The following IQGAP1 variants were observed in gnomAD, a reference collection of about 807,000 sequenced individuals.
IQGAP1 encodes the protein ras GTPase-activating-like protein IQGAP1.
In IQGAP1, 66 loss-of-function variants were observed where a neutral mutation model predicts 215.6. The ratio of observed to expected loss-of-function variants is 0.31; its 90% CI spans 0.25 to 0.38. The LOEUF (loss-of-function observed/expected upper bound fraction) is 0.38. IQGAP1 is among the 10% of genes least tolerant of loss of function. The pLI, the probability that IQGAP1 is intolerant of heterozygous loss-of-function variation, is 1.00. For synonymous variants in IQGAP1, 772 were observed against 728.7 expected (o/e 1.06, Z -0.96); for missense variants, 1,712 against 1,997.1 (o/e 0.86, Z 2.72).
chr15:90,439,427 T>G, intron 6 of IQGAP1, 28 bp downstream of exon 6: 2 of 1,580,358 alleles, frequency 1.3e-6, no homozygotes, highest in Non-Finnish European at 1.7e-6. Context: ...TGGCAGGAAA[T>G]GCTTGAATTA....
chr15:90,496,275 T>C (rs1442036168), intron 36 of IQGAP1, among the ~76,000 whole-genome samples: 3 of 150,388 alleles, frequency 2.0e-5, no homozygotes, highest in Non-Finnish European at 3.0e-5. Context: ...TGGGGTGCTA[T>C]ACTTTGATCA....
Position 90,423,372 on chromosome 15 carries a change from T to C in IQGAP1, c.156-2738T>C, listed in dbSNP as rs118163096. Among the ~76,000 whole-genome samples the C allele has an allele frequency of 8.6e-3, 1,303 of 152,242 alleles. 38 individuals are homozygous for C. In the East Asian group the frequency reaches 0.11, roughly 13 times the overall value. On this transcript the variant is annotated intron_variant, in intron 2 of 37. Coordinates refer to ENST00000268182, the MANE Select transcript of IQGAP1 (RefSeq NM_003870.4). ...TCTTAGCCTCCCAAGTATCTGAGAC[T>C]ATAGGTGCACACCACCACACTGGCA...
At chr15:90,499,912 T>C in intron 37 of IQGAP1, 83 bp from the exon 38 acceptor site, 1 of 904,320 alleles carries the variant, frequency 1.1e-6, no homozygotes, top group Non-Finnish European at 1.8e-6. Context: ...GATCCCTCCC[T>C]ACATTGTGTC....
intron 3 of IQGAP1, among the ~76,000 whole-genome samples, chr15:90,427,339 A>G (rs2525999): frequency 0.16 from 24,245 of 152,220 alleles, 2,681 homozygotes; most frequent in East Asian, 0.46. Context: ...GCTGGAGTTC[A>G]AGGTACAATG....
At position 90,443,478 on chromosome 15, in the gene IQGAP1, A is replaced by G; in HGVS notation, c.913A>G (p.Thr305Ala). Residue 305 changes from threonine to alanine, a missense_variant and splice_region_variant, in exon 9 of 38, where the codon ACA becomes GCA. Thr to Ala is a moderately conservative substitution (Grantham distance 58, BLOSUM62 0). Coordinates refer to ENST00000268182, the MANE Select transcript of IQGAP1 (RefSeq NM_003870.4). ...EIQGNINKVN[T>A]FSALANIDLA... ...TCAAGGCAATATAAACAAAGTCAAT[A>G]GTAAGTATGTTCCTGAATCAGGCAC... is the stretch of plus-strand genomic sequence containing the variant. 6.3e-7 allele frequency: 1 copy of G among 1,579,816 alleles called. No homozygotes were observed. The highest frequency in any genetic ancestry group is 8.7e-7 in the Non-Finnish European group (1 of 1,149,114).
intron 8 of IQGAP1, among the ~76,000 whole-genome samples, chr15:90,441,929 C>G (rs1330758634): frequency 6.6e-6 from 1 of 152,174 alleles, no homozygotes; most frequent in African/African-American, 2.4e-5. Context: ...CAGGCAACTA[C>G]CAGTCTATTT....
intron 33 of IQGAP1, among the ~76,000 whole-genome samples, chr15:90,488,698 G>A (rs1408016613): frequency 6.6e-6 from 1 of 152,164 alleles, no homozygotes; most frequent in African/African-American, 2.4e-5. Context: ...CTTCCTAAAA[G>A]AAGTGGAACC....
At chr15:90,459,723 T>G (rs2151026449) in intron 15 of IQGAP1, among the ~76,000 whole-genome samples, 1 of 152,202 alleles carries the variant, frequency 6.6e-6, no homozygotes, top group East Asian at 1.9e-4. Context: ...TTTGTTTTGT[T>G]TTTTGTTTTT....
Position 90,440,493 on chromosome 15 carries a change from C to G in IQGAP1, c.536-9C>G. 1 of 1,539,014 alleles carries G rather than the reference C, an allele frequency of 6.5e-7. No individual in the cohort carries two copies. The highest frequency in any genetic ancestry group is 2.4e-5 in the East Asian group (1 of 42,162). On this transcript the variant is annotated splice_polypyrimidine_tract_variant and intron_variant, in intron 6 of 37. Transcript: ENST00000268182. ...GCTTGATTGACTGATTATTAATTCC[C>G]TCCTGTAGAAGAAGAAATCAACAAC...
chr15:90,395,175 T>C (rs963220575), intron 2 of IQGAP1, among the ~76,000 whole-genome samples: 6 of 152,204 alleles, frequency 3.9e-5, no homozygotes, highest in African/African-American at 1.4e-4. Flanking sequence ...CACCTAACGA[T>C]TCAAGGCTTT....
intron 7 of IQGAP1, among the ~76,000 whole-genome samples, 185 bp from the exon 8 acceptor site, chr15:90,441,321 G>A (rs1965446140): frequency 6.6e-6 from 1 of 152,122 alleles, no homozygotes; most frequent in African/African-American, 2.4e-5. Flanking sequence ...CATACTGTAA[G>A]GAAGAGGCTA....
At chr15:90,397,871 C>CTTTTCTTTTTTT (rs1200258210) in intron 2 of IQGAP1, 2 of 92,774 alleles carry the variant, frequency 2.2e-5, no homozygotes, top group African/African-American at 6.0e-5. Flanking sequence ...TGAATTTTTT[C>CTTTTCTTTTTTT]TTTTCTTTTT....
chr15:90,484,654 A>G (rs985165189), intron 30 of IQGAP1, among the ~76,000 whole-genome samples: 5 of 151,914 alleles, frequency 3.3e-5, no homozygotes, highest in African/African-American at 4.8e-5. Context: ...GACTACAGGC[A>G]CCCGCCACCG....
At chr15:90,390,451 T>C (rs62019353) in intron 1 of IQGAP1, among the ~76,000 whole-genome samples, 32,347 of 152,122 alleles carry the variant, frequency 0.21, 3,793 homozygotes, top group Non-Finnish European at 0.27. Flanking sequence ...AGGGAAACAA[T>C]ATTATCAGAT....
chr15:90,420,155 A>C (rs769211271), intron 2 of IQGAP1, among the ~76,000 whole-genome samples: 2 of 152,210 alleles, frequency 1.3e-5, no homozygotes, highest in African/African-American at 4.8e-5. Flanking sequence ...GAAAGGCACA[A>C]ATATTTTTTT....
chr15:90,417,268 A>T (rs1409825274), intron 2 of IQGAP1, among the ~76,000 whole-genome samples: 1 of 152,214 alleles, frequency 6.6e-6, no homozygotes, highest in African/African-American at 2.4e-5. Flanking sequence ...TGTTTCAGAC[A>T]TGAAGTCCTT....
intron 9 of IQGAP1, among the ~76,000 whole-genome samples, chr15:90,446,477 A>G (rs1488035608): frequency 2.0e-5 from 3 of 152,178 alleles, no homozygotes; most frequent in Non-Finnish European, 2.9e-5. Flanking sequence ...AAAGAAGGGA[A>G]TGATGACTTC....
rs777025460 is a variant in IQGAP1 at position 90,483,463 on chromosome 15, G to T, written c.3658G>T (p.Asp1220Tyr). 3.1e-6 allele frequency: 5 copies of T among 1,614,064 alleles called. No homozygotes were observed. The African/African-American group carries it at 6.7e-5, about 22-fold the overall frequency. ...GTCAGCAGGAGGCCAGCTTACCACA[G>T]ACCAACGCCGAAATCTGGGCTCCAT... ...DLSAGGQLTT[D>Y]QRRNLGSIAK... Residue 1220 changes from aspartate to tyrosine, a missense_variant, in exon 29 of 38, where the codon GAC (aspartate) becomes TAC (tyrosine). Physicochemically the swap from Asp to Tyr is radical, Grantham distance 160. This residue lies in a region of IQGAP1 where 691 missense variants were observed against 923.0 expected (regional missense o/e 0.75). Coordinates refer to ENST00000268182, the MANE Select transcript of IQGAP1 (RefSeq NM_003870.4).
At chr15:90,401,432 C>T (rs1451270585) in intron 2 of IQGAP1, among the ~76,000 whole-genome samples, 1 of 151,988 alleles carries the variant, frequency 6.6e-6, no homozygotes, top group Non-Finnish European at 1.5e-5. Flanking sequence ...AAAGGAAAGC[C>T]AAAATAATCC....
Sources: allele counts gnomAD v4.1 joint callset (sites outside exome capture counted in the v4.1 genomes callset), GRCh38; gene constraint gnomAD v4.1.1; regional missense constraint gnomAD v4.1.1; transcripts MANE v1.5; gene names NCBI Gene and HGNC (gene_info 2026-07-23, HGNC 2026-07-21).